The following NRXN2 variants were observed in gnomAD, a reference collection of about 807,000 sequenced individuals.
NRXN2 encodes the protein neurexin-2-beta.
A neutral mutation model predicts 128.8 loss-of-function variants in NRXN2; 29 were observed. That is an observed-to-expected ratio of 0.23 (90% CI 0.17 to 0.31). The LOEUF (loss-of-function observed/expected upper bound fraction) is 0.31. Ranked by LOEUF, NRXN2 falls within the 10% of genes least tolerant of loss-of-function variation. The pLI, the probability that NRXN2 is intolerant of heterozygous loss-of-function variation, is 1.00. For missense variants in NRXN2, 1,881 were observed against 2,452.6 expected (o/e 0.77, Z 4.92); for synonymous variants, 1,098 against 1,075.2 (o/e 1.02, Z -0.41).
intron 19 of NRXN2, among the ~76,000 whole-genome samples, chr11:64,628,471 A>G (rs1008433238): frequency 6.6e-6 from 1 of 152,112 alleles, no homozygotes; most frequent in South Asian, 2.1e-4. Flanking sequence ...CCAGACCCTC[A>G]TGTTACTCCC....
intron 22 of NRXN2, among the ~76,000 whole-genome samples, chr11:64,619,934 T>C (rs2042064290): frequency 6.6e-6 from 1 of 152,008 alleles, no homozygotes; most frequent in Non-Finnish European, 1.5e-5. Flanking sequence ...ACCCAAGAAC[T>C]GATGGGAGTT....
intron 17 of NRXN2, chr11:64,642,612 G>C: frequency 6.2e-7 from 1 of 1,610,586 alleles, no homozygotes; most frequent in Non-Finnish European, 8.5e-7. Flanking sequence ...TGTGGAAGTG[G>C]TGGACGTGGT....
chr11:64,677,215 C>T (rs988430180), intron 6 of NRXN2, among the ~76,000 whole-genome samples, 178 bp from the exon 7 acceptor site: 4 of 152,110 alleles, frequency 2.6e-5, no homozygotes, highest in African/African-American at 9.7e-5. Context: ...AACCCTCCCA[C>T]CTTAGGTTCA....
chr11:64,715,744 C>A (rs1415079123), intron 1 of NRXN2, among the ~76,000 whole-genome samples: 1 of 152,216 alleles, frequency 6.6e-6, no homozygotes, highest in Non-Finnish European at 1.5e-5. Context: ...CAAGGACTGC[C>A]TCTGCCCGGG....
intron 17 of NRXN2, among the ~76,000 whole-genome samples, chr11:64,636,961 G>C (rs572368598): frequency 1.7e-4 from 26 of 152,118 alleles, no homozygotes; most frequent in African/African-American, 4.6e-4. Context: ...GAGTGCTTTG[G>C]GGGGAGCCAC....
rs998690305 is a variant in NRXN2, at chr11:64,713,596, G to C, written c.104C>G (p.Pro35Arg). 2.2e-6 allele frequency: 3 copies of C among 1,338,316 alleles called. No individual in the cohort carries two copies. The Admixed American group carries it at 9.6e-5, about 43-fold the overall frequency. The allele number at this position is 1,338,316 out of a possible 1,614,324, so 82.9% of individuals were successfully genotyped here. Residue 35 changes from proline (P) to arginine (R), a missense_variant, in exon 2 of 23, where the codon CCC (proline) becomes CGC (arginine). This residue lies in a region of NRXN2 where 997 missense variants were observed against 1,240.8 expected (regional missense o/e 0.80). Coordinates refer to ENST00000265459, the MANE Select transcript of NRXN2 (RefSeq NM_015080.4). ...RADGLEFGGG[P>R]GQWARYARWA... ...GCGCGCGTAGCGAGCCCACTGCCCG[G>C]GGCCGCCGCCGAACTCCAGGCCGTC...
intron 22 of NRXN2, among the ~76,000 whole-genome samples, chr11:64,614,607 C>A (rs928893125): frequency 7.9e-5 from 12 of 152,348 alleles, no homozygotes; most frequent in African/African-American, 2.9e-4. Context: ...GAAGAAATTT[C>A]CCCCACTGCA....
intron 6 of NRXN2, among the ~76,000 whole-genome samples, chr11:64,682,829 T>C (rs979224991): frequency 2.0e-5 from 3 of 152,070 alleles, no homozygotes; most frequent in Non-Finnish European, 2.9e-5. Flanking sequence ...ACACCTCTGG[T>C]CACAGTGACC....
At chr11:64,719,664 C>T (rs977327458) in intron 1 of NRXN2, among the ~76,000 whole-genome samples, 3 of 152,098 alleles carry the variant, frequency 2.0e-5, no homozygotes, top group African/African-American at 7.2e-5. Flanking sequence ...GGCCGGAGGA[C>T]AGGTGCATGG....
chr11:64,623,252 CTT>C lies in NRXN2; in HGVS notation c.3848-176_3848-175del, dbSNP rs1370691094. 1 of 1,172,538 alleles carries C rather than the reference CTT, an allele frequency of 8.5e-7. No homozygotes were observed. The highest frequency in any genetic ancestry group is 1.5e-5 in the African/African-American group (1 of 64,574). 72.6% of individuals were successfully genotyped at this position (1,172,538 alleles called of 1,614,324 possible). A position where few individuals can be genotyped will look rare whatever the true frequency, so the allele number is the denominator to read the frequency against. On this transcript the variant is annotated intron_variant, in intron 20 of 22. Coordinates refer to ENST00000265459, the MANE Select transcript of NRXN2 (RefSeq NM_015080.4). This position sits in a 1 kb window ranked among gnomAD's most constrained non-coding sequence, Gnocchi z 4.9. ...GGGGCAGAAAGCCAAAGGGAAAGTC[CTT>C]GTCAGCCACAGCCCCTAGCCCAGCC... is the stretch of plus-strand genomic sequence containing the variant.
At chr11:64,613,064 G>A (rs1401434826) in intron 22 of NRXN2, among the ~76,000 whole-genome samples, 1 of 152,176 alleles carries the variant, frequency 6.6e-6, no homozygotes, top group Non-Finnish European at 1.5e-5. Flanking sequence ...AGTGCCCCTC[G>A]CCACCCACAA....
intron 2 of NRXN2, among the ~76,000 whole-genome samples, chr11:64,710,882 A>G (rs1417179215): frequency 1.3e-5 from 2 of 152,174 alleles, no homozygotes; most frequent in African/African-American, 4.8e-5. Context: ...GCGGGCCTCT[A>G]CACGCAGGCA....
At chr11:64,608,170 AC>A (rs2040011220) in intron 22 of NRXN2, 88 bp from the exon 23 acceptor site, 1 of 1,006,150 alleles carries the variant, frequency 9.9e-7, no homozygotes, top group Admixed American at 2.0e-5. Flanking sequence ...CAACAGCCTC[AC>A]ACACCCAAAT....
In NRXN2 at chr11:64,707,991, G is replaced by T. The variant is rs557512539; in HGVS notation, c.730+4979C>A. On this transcript the variant is annotated intron_variant, in intron 2 of 22. Coordinates refer to ENST00000265459, the MANE Select transcript of NRXN2 (RefSeq NM_015080.4). Reference sequence around the variant, plus strand: ...GCCTATAATCCCAGCTACTATGGAGGCTGAGGCAGGAGAATCACTTTGCTT... The same window carrying T: ...GCCTATAATCCCAGCTACTATGGAGTCTGAGGCAGGAGAATCACTTTGCTT... Among the ~76,000 whole-genome samples the T allele has an allele frequency of 3.3e-5, 5 of 152,226 alleles. No homozygotes were observed. The East Asian group carries it at 9.7e-4, about 29-fold the overall frequency.
intron 1 of NRXN2, among the ~76,000 whole-genome samples, chr11:64,718,847 C>T (rs759794539): frequency 2.0e-5 from 3 of 152,124 alleles, no homozygotes; most frequent in African/African-American, 4.8e-5. Context: ...AAAGGGAAGA[C>T]CCCATGCCTT....
intron 11 of NRXN2, among the ~76,000 whole-genome samples, chr11:64,657,089 G>A (rs992496117): frequency 1.3e-5 from 2 of 152,158 alleles, no homozygotes; most frequent in Non-Finnish European, 2.9e-5. Flanking sequence ...CCCTCTACAG[G>A]ATAAGATCAT....
chr11:64,672,014 C>T (rs2135524119), intron 7 of NRXN2, among the ~76,000 whole-genome samples: 1 of 152,286 alleles, frequency 6.6e-6, no homozygotes, highest in South Asian at 2.1e-4. Context: ...TGCCAACCCA[C>T]TCAACACAGA....
At chr11:64,625,655 C>T (rs2042975672) in intron 20 of NRXN2, among the ~76,000 whole-genome samples, 1 of 152,148 alleles carries the variant, frequency 6.6e-6, no homozygotes, top group Non-Finnish European at 1.5e-5. Flanking sequence ...CTCGCCCCGC[C>T]TCCCCAAAGG....
At chr11:64,626,437 T>C (rs372888770) in intron 20 of NRXN2, 26 bp downstream of exon 20, 32 of 1,537,628 alleles carry the variant, frequency 2.1e-5, no homozygotes, top group Non-Finnish European at 2.8e-5. Context: ...AGTTAATTAA[T>C]TAATTAATTA....
Sources: gnomAD v4.1 joint callset for allele counts (sites outside exome capture counted in the v4.1 genomes callset) on GRCh38, gnomAD v4.1.1 for gene constraint, gnomAD v4.1.1 regional missense constraint, Gnocchi (gnomAD v3.1) non-coding constraint, MANE v1.5 for transcripts, NCBI Gene and HGNC (gene_info 2026-07-23, HGNC 2026-07-21) for gene names.